Variants in TMTC1 observed in about 807,000 individuals in gnomAD.
The protein encoded by TMTC1 is protein O-mannosyl-transferase TMTC1.
A neutral mutation model predicts 104.8 loss-of-function variants in TMTC1; 73 were observed. The ratio of observed to expected loss-of-function variants is 0.70; its 90% CI spans 0.58 to 0.85. The LOEUF is 0.85. Among genes scored for constraint, TMTC1 ranks in the 40% least tolerant of loss-of-function variants. TMTC1 has a pLI of 0.00. For missense variants in TMTC1, 1,035 were observed against 1,096.1 expected, an observed-to-expected ratio of 0.94 and a Z score of 0.79; for synonymous variants, 434 against 428.7, an observed-to-expected ratio of 1.01 and a Z score of -0.15.
rs10605906 is a variant in TMTC1 at position 29,675,589 on chromosome 12, T to TACACAC, written c.939-42259_939-42254dup. On this transcript the variant is annotated intron_variant, in intron 5 of 17. Transcript: ENST00000539277. ...TCTGTGCCCTGGACACACATGCAAATACACACACACACACACACACACACA... is the reference window on the plus strand; with the variant it reads ...TCTGTGCCCTGGACACACATGCAAATACACACACACACACACACACACACACACACA... Among the ~76,000 whole-genome samples, 370 of 116,610 alleles carry TACACAC rather than the reference T, an allele frequency of 3.2e-3. 4 individuals are homozygous for TACACAC. Among genetic ancestry groups the TACACAC allele is most frequent in the Middle Eastern group, 0.018 (4 of 220 alleles). 76.5% of individuals were successfully genotyped at this position (116,610 alleles called of 152,430 possible). A position where few individuals can be genotyped will look rare whatever the true frequency, so the allele number is the denominator to read the frequency against.
intron 10 of TMTC1, among the ~76,000 whole-genome samples, chr12:29,545,447 C>G (rs1944913153): frequency 6.6e-6 from 1 of 152,118 alleles, no homozygotes; most frequent in Non-Finnish European, 1.5e-5. Context: ...CGAGACCAGC[C>G]TGGCTAACAT....
At chr12:29,599,954 ATGTG>A (rs1205576166) in intron 7 of TMTC1, among the ~76,000 whole-genome samples, 2 of 144,518 alleles carry the variant, frequency 1.4e-5, no homozygotes, top group African/African-American at 5.3e-5. Flanking sequence ...GTGTATATAT[ATGTG>A]TATATATATA....
intron 5 of TMTC1, among the ~76,000 whole-genome samples, chr12:29,748,349 C>T (rs980955799): frequency 5.9e-5 from 9 of 152,288 alleles, no homozygotes; most frequent in African/African-American, 1.9e-4. Flanking sequence ...TTGTGGAACC[C>T]GAGATGACTA....
At chr12:29,520,833 AT>A in intron 11 of TMTC1, 113 bp from the exon 12 acceptor site, 1 of 759,118 alleles carries the variant, frequency 1.3e-6, no homozygotes, top group Admixed American at 2.8e-5. Context: ...TAAGCACCTA[AT>A]ATACAACAGG....
At chr12:29,528,844 T>C (rs779161651) in intron 11 of TMTC1, among the ~76,000 whole-genome samples, 9 of 152,042 alleles carry the variant, frequency 5.9e-5, no homozygotes, top group Non-Finnish European at 1.3e-4. Context: ...TTTAAAAATA[T>C]GTGCTAGTTT....
chr12:29,735,410 T>C (rs1167150042), intron 5 of TMTC1, among the ~76,000 whole-genome samples: 7 of 152,196 alleles, frequency 4.6e-5, no homozygotes, highest in African/African-American at 9.7e-5. Context: ...ACCAAGCACA[T>C]AGAGTCGTTA....
rs148395647 is a variant in TMTC1, at chr12:29,516,403, A to C, written c.2253T>G (p.Leu751=). ...NHIVSEETGC[L]ECYRLLSAIY... ...TGGCTGACAAGAGGCGATAGCATTCAAGGCATCCGGTCTCCTCTGACACAA... is the reference window on the plus strand; with the variant it reads ...TGGCTGACAAGAGGCGATAGCATTCCAGGCATCCGGTCTCCTCTGACACAA... The change falls in exon 15 of 18, where the codon CTT becomes CTG. Residue 751 remains leucine, a synonymous_variant. Coordinates refer to ENST00000539277, the MANE Select transcript of TMTC1 (RefSeq NM_001193451.2). 6 of 1,614,036 alleles carry C rather than the reference A, an allele frequency of 3.7e-6. No homozygotes were observed. The highest frequency in any genetic ancestry group is 5.1e-6 in the Non-Finnish European group (6 of 1,179,972).
chr12:29,663,337 G>A (rs1940120893), intron 5 of TMTC1, among the ~76,000 whole-genome samples: 2 of 152,144 alleles, frequency 1.3e-5, no homozygotes, highest in Admixed American at 1.3e-4. Context: ...GTGCTGGGGA[G>A]GGCTGGAGAA....
At chr12:29,574,662 G>A (rs1446171589) in intron 8 of TMTC1, among the ~76,000 whole-genome samples, 4 of 152,080 alleles carry the variant, frequency 2.6e-5, no homozygotes, top group African/African-American at 7.2e-5. Context: ...GGCATTCCTC[G>A]GAGTGTGCAC....
chr12:29,572,827 T>C (rs1945717267), intron 8 of TMTC1, among the ~76,000 whole-genome samples: 1 of 152,178 alleles, frequency 6.6e-6, no homozygotes, highest in Non-Finnish European at 1.5e-5. Context: ...TCATGGAGAC[T>C]TGATGAAATA....
intron 5 of TMTC1, among the ~76,000 whole-genome samples, chr12:29,638,552 A>G (rs2136530706): frequency 6.6e-6 from 1 of 152,260 alleles, no homozygotes; most frequent in Middle Eastern, 3.4e-3. Context: ...TGTCCTGGTG[A>G]TAAGGCTGAG....
At chr12:29,691,553 C>G (rs1941267104) in intron 5 of TMTC1, among the ~76,000 whole-genome samples, 1 of 121,196 alleles carries the variant, frequency 8.3e-6, no homozygotes, top group Admixed American at 8.9e-5. Context: ...AAGGTGAAAC[C>G]CGTTGGGTGG....
intron 8 of TMTC1, among the ~76,000 whole-genome samples, chr12:29,578,837 G>T (rs1945896720): frequency 6.6e-6 from 1 of 152,144 alleles, no homozygotes; most frequent in South Asian, 2.1e-4. Context: ...AAAGGAAGAA[G>T]AATTTGTGAT....
intron 10 of TMTC1, among the ~76,000 whole-genome samples, chr12:29,545,676 C>CACACACACAG (rs1555167547): frequency 0.051 from 7,003 of 137,830 alleles, 458 homozygotes; most frequent in African/African-American, 0.068. Flanking sequence ...CACACACACA[C>CACACACACAG]GGATAGAAAC....
At chr12:29,523,097 C>A (rs1356063864) in intron 11 of TMTC1, among the ~76,000 whole-genome samples, 1 of 152,216 alleles carries the variant, frequency 6.6e-6, no homozygotes, top group African/African-American at 2.4e-5. Flanking sequence ...AACAGTTACA[C>A]TTTTGGGTAT....
At chr12:29,578,396 C>T (rs748678029) in intron 8 of TMTC1, among the ~76,000 whole-genome samples, 2 of 152,170 alleles carry the variant, frequency 1.3e-5, no homozygotes, top group African/African-American at 4.8e-5. Context: ...GGCCAGGTCA[C>T]TCTTCCCTCC....
At position 29,658,627 on chromosome 12, in the gene TMTC1, G is replaced by A. The variant is rs141787961; in HGVS notation, c.939-25291C>T. On this transcript the variant is annotated intron_variant, in intron 5 of 17. Transcript: ENST00000539277. ...CTGTAGACTCCTCCAGTTTTGCCAC[G>A]GAAACATTTGTGGGGCCTTCCTTTT... is the stretch of plus-strand genomic sequence containing the variant. 6.3e-5 allele frequency: 13 copies of A among 205,848 alleles called. No homozygotes were observed. The East Asian group carries it at 1.2e-3, about 19-fold the overall frequency. 12.8% of individuals were successfully genotyped at this position (205,848 alleles called of 1,614,324 possible). A position where few individuals can be genotyped will look rare whatever the true frequency, so the allele number is the denominator to read the frequency against.
At chr12:29,743,001 A>G (rs1003688845) in intron 5 of TMTC1, among the ~76,000 whole-genome samples, 9 of 152,248 alleles carry the variant, frequency 5.9e-5, no homozygotes, top group African/African-American at 1.9e-4. Context: ...TGGCTTTCGC[A>G]TAAAATAAAC....
intron 6 of TMTC1, among the ~76,000 whole-genome samples, chr12:29,608,359 C>A (rs1946757032): frequency 6.6e-6 from 1 of 152,184 alleles, no homozygotes; most frequent in Non-Finnish European, 1.5e-5. Context: ...AGAGGAAATT[C>A]ATGGTATTTT....
Sources: allele counts gnomAD v4.1 joint callset (sites outside exome capture counted in the v4.1 genomes callset), GRCh38; gene constraint gnomAD v4.1.1; transcripts MANE v1.5; gene names NCBI Gene and HGNC (gene_info 2026-07-23, HGNC 2026-07-21).